NAP1L4: variants seen among roughly 807,000 people sequenced by gnomAD.
NAP1L4 encodes the protein nucleosome assembly protein 1-like 4.
In NAP1L4, 15 loss-of-function variants were observed where a neutral mutation model predicts 58.2. That is an observed-to-expected ratio of 0.26 (90% CI 0.17 to 0.40). The LOEUF is 0.40. Ranked by LOEUF, NAP1L4 falls within the 10% of genes least tolerant of loss-of-function variation. The pLI, the probability that NAP1L4 is intolerant of heterozygous loss-of-function variation, is 1.00. For missense variants in NAP1L4, 384 were observed against 451.1 expected (o/e 0.85, Z 1.35); for synonymous variants, 171 against 155.6 (o/e 1.10, Z -0.74).
intron 7 of NAP1L4, among the ~76,000 whole-genome samples, chr11:2,968,479 G>A (rs1847422710): frequency 1.3e-5 from 2 of 152,262 alleles, no homozygotes; most frequent in East Asian, 1.9e-4. Flanking sequence ...AACCAAGGCT[G>A]TTCTATTTTA....
intron 1 of NAP1L4, among the ~76,000 whole-genome samples, chr11:2,983,986 A>G (rs1311277534): frequency 8.7e-6 from 1 of 115,308 alleles, no homozygotes; most frequent in Non-Finnish European, 2.0e-5. Flanking sequence ...ACTGTCTCAA[A>G]ACAAAAAGAA....
chr11:2,947,244 A>G, intron 15 of NAP1L4, among the ~76,000 whole-genome samples: 1 of 152,350 alleles, frequency 6.6e-6, no homozygotes, highest in Middle Eastern at 3.4e-3. Context: ...AATTATCCTA[A>G]GTTGCAGAAA....
chr11:2,949,327 A>C lies in NAP1L4; in HGVS notation c.1123-63T>G. The C allele has an allele frequency of 1.5e-6, 2 of 1,371,160 alleles. No homozygotes were observed. The highest frequency in any genetic ancestry group is 4.6e-5 in the East Asian group (2 of 43,752). 84.9% of individuals were successfully genotyped at this position (1,371,160 alleles called of 1,614,324 possible). ...GAAAGAAAATGAAATGCACAAAATT[A>C]TACAGGAGGAAACGGCCACAATTTC... is the stretch of plus-strand genomic sequence containing the variant. On this transcript the variant is annotated intron_variant, in intron 14 of 15. Coordinates refer to ENST00000380542, the MANE Select transcript of NAP1L4 (RefSeq NM_005969.4). This position sits in a 1 kb window ranked among gnomAD's most constrained non-coding sequence, Gnocchi z 4.0.
rs1228964089 is a variant in NAP1L4 at position 2,951,544 on chromosome 11, A to G, written c.1066-229T>C. 1.3e-5 allele frequency among the ~76,000 whole-genome samples: 2 copies of G among 152,262 alleles called. No homozygotes were observed. Among genetic ancestry groups the G allele is most frequent in the Non-Finnish European group, 2.9e-5 (2 of 68,044 alleles). ...ATTCTGAAAAAGTAGATTTTGTTAA[A>G]TGATTATTTTCTAAGATACATTTTC... On this transcript the variant is annotated intron_variant, in intron 13 of 15. Transcript: ENST00000380542. The surrounding 1 kb of genome is among the most constrained non-coding windows in gnomAD (Gnocchi z 4.0).
Position 2,949,213 on chromosome 11 carries a change from G to C in NAP1L4, c.*32+14C>G, listed in dbSNP as rs1846094020. 2 of 1,576,032 alleles carry C rather than the reference G, an allele frequency of 1.3e-6. No individual in the cohort carries two copies. The highest frequency in any genetic ancestry group is 1.7e-6 in the Non-Finnish European group (2 of 1,145,988). Reference sequence around the variant, plus strand: ...GAAGTTTGGAAGTTAGGTATGAATGGAATTCCACCTTACCTAGAAACGTAT... The same window carrying C: ...GAAGTTTGGAAGTTAGGTATGAATGCAATTCCACCTTACCTAGAAACGTAT... On this transcript the variant is annotated intron_variant, in intron 15 of 15. Transcript: ENST00000380542. The surrounding 1 kb of genome is among the most constrained non-coding windows in gnomAD (Gnocchi z 4.0).
chr11:2,979,901 G>A (rs1321672112), intron 1 of NAP1L4, among the ~76,000 whole-genome samples: 1 of 151,972 alleles, frequency 6.6e-6, no homozygotes, highest in Non-Finnish European at 1.5e-5. Context: ...ATTAATGATA[G>A]CCCAACCATT....
intron 1 of NAP1L4, among the ~76,000 whole-genome samples, chr11:2,982,198 C>T (rs971065574): frequency 4.6e-5 from 7 of 152,180 alleles, no homozygotes; most frequent in Non-Finnish European, 7.3e-5. Flanking sequence ...AGCAGGACCG[C>T]TACAGTAGCA....
At chr11:2,964,016 C>T (rs1847109623) in intron 8 of NAP1L4, 1 of 443,614 alleles carries the variant, frequency 2.3e-6, no homozygotes, top group African/African-American at 2.0e-5. Context: ...GTAGGCTGAT[C>T]CATGCCACTA....
chr11:2,955,656 A>C lies in NAP1L4; in HGVS notation c.915+88T>G. On this transcript the variant is annotated intron_variant, in intron 11 of 15. Transcript: ENST00000380542. This position sits in a 1 kb window ranked among gnomAD's most constrained non-coding sequence, Gnocchi z 4.2. ...CATACCCAGTCCACACACAGCCAGG[A>C]CTGGACTTTTTTTAACAAGTAGACA... 7.4e-7 allele frequency: 1 copy of C among 1,350,688 alleles called. No individual in the cohort carries two copies. The highest frequency in any genetic ancestry group is 1.0e-6 in the Non-Finnish European group (1 of 952,740). The allele number at this position is 1,350,688 out of a possible 1,614,324, so 83.7% of individuals were successfully genotyped here.
chr11:2,960,015 A>C, intron 8 of NAP1L4, 106 bp from the exon 9 acceptor site: 2 of 1,195,908 alleles, frequency 1.7e-6, no homozygotes, highest in Non-Finnish European at 2.3e-6. Flanking sequence ...GGAAAGCTCA[A>C]CAGATAGGGC....
At chr11:2,966,080 T>C (rs116183645) in intron 7 of NAP1L4, among the ~76,000 whole-genome samples, 1,659 of 152,316 alleles carry the variant, frequency 0.011, 32 homozygotes, top group African/African-American at 0.038. Context: ...GGCACTTCAT[T>C]TGTAACATGG....
intron 1 of NAP1L4, among the ~76,000 whole-genome samples, chr11:2,981,229 C>A (rs1848284298): frequency 6.8e-6 from 1 of 147,168 alleles, no homozygotes; most frequent in South Asian, 2.3e-4. Context: ...CACAGTCAGA[C>A]TGTCTCAAAA....
chr11:2,952,755 C>G (rs1166207785), intron 12 of NAP1L4: 6 of 152,232 alleles, frequency 3.9e-5, no homozygotes, highest in Non-Finnish European at 7.3e-5. Flanking sequence ...CCAGCAGGCT[C>G]CAGGGCCTAT....
At chr11:2,956,427 A>C (rs1846543490) in intron 10 of NAP1L4, among the ~76,000 whole-genome samples, 1 of 152,132 alleles carries the variant, frequency 6.6e-6, no homozygotes, top group South Asian at 2.1e-4. Flanking sequence ...AGAAACATTT[A>C]CTACAAGACC....
At position 2,949,363 on chromosome 11, in the gene NAP1L4, A is replaced by G. The variant is rs1846105220; in HGVS notation, c.1123-99T>C. 16 of 970,986 alleles carry G rather than the reference A, an allele frequency of 1.6e-5. No homozygotes were observed. In the South Asian group the frequency reaches 1.8e-4, roughly 11 times the overall value. 60.1% of individuals were successfully genotyped at this position (970,986 alleles called of 1,614,324 possible). A position where few individuals can be genotyped will look rare whatever the true frequency, so the allele number is the denominator to read the frequency against. Reference sequence around the variant, plus strand: ...AACGGCCACAATTTCTCATGATACAAAAGGGCTGCAAGATACTGAACTCGG... The same window carrying G: ...AACGGCCACAATTTCTCATGATACAGAAGGGCTGCAAGATACTGAACTCGG... On this transcript the variant is annotated intron_variant, in intron 14 of 15. Coordinates refer to ENST00000380542, the MANE Select transcript of NAP1L4 (RefSeq NM_005969.4). The surrounding 1 kb of genome is among the most constrained non-coding windows in gnomAD (Gnocchi z 4.0).
chr11:2,966,515 G>T (rs184074647), intron 7 of NAP1L4, among the ~76,000 whole-genome samples: 10 of 152,260 alleles, frequency 6.6e-5, no homozygotes, highest in Admixed American at 6.5e-4. Flanking sequence ...ACATGAGTGT[G>T]AACGTGAGGT....
At chr11:2,991,016 G>A (rs945085353) in intron 1 of NAP1L4, 10 of 439,554 alleles carry the variant, frequency 2.3e-5, no homozygotes, top group Admixed American at 1.2e-4. Flanking sequence ...ATAAGGCACG[G>A]GTTACTACAG....
At position 2,948,910 on chromosome 11, in the gene NAP1L4, C is replaced by T. The variant is rs11822457; in HGVS notation, c.*32+317G>A. Among the ~76,000 whole-genome samples the T allele has an allele frequency of 0.058, 8,840 of 152,202 alleles. 872 individuals carry two copies. The highest frequency in any genetic ancestry group is 0.2 in the African/African-American group (8,350 of 41,478). On this transcript the variant is annotated intron_variant, in intron 15 of 15. Coordinates refer to ENST00000380542, the MANE Select transcript of NAP1L4 (RefSeq NM_005969.4). The surrounding 1 kb of genome is among the most constrained non-coding windows in gnomAD (Gnocchi z 5.1). ...CAAGGACTGCTTGCTTATGGTGGCC[C>T]GTGTGTGCCACCGTGCAGACTGCTG...
chr11:2,957,948 G>A (rs560001786), intron 10 of NAP1L4, among the ~76,000 whole-genome samples: 21 of 152,294 alleles, frequency 1.4e-4, no homozygotes, highest in South Asian at 4.1e-4. Context: ...CAGCAGTAAC[G>A]GGTACCTGCA....
Sources: allele counts gnomAD v4.1 joint callset (sites outside exome capture counted in the v4.1 genomes callset), GRCh38; gene constraint gnomAD v4.1.1; non-coding constraint Gnocchi (gnomAD v3.1); transcripts MANE v1.5; gene names NCBI Gene and HGNC (gene_info 2026-07-23, HGNC 2026-07-21).